MAP3K9: variants seen among roughly 807,000 people sequenced by gnomAD.
MAP3K9 encodes mixed lineage kinase 1 (tyr and ser/thr specificity).
A neutral mutation model predicts 95.8 loss-of-function variants in MAP3K9; 46 were observed. The observed-to-expected ratio is 0.48, with a 90% CI of 0.38 to 0.61. The LOEUF is 0.61. Ranked by LOEUF, MAP3K9 falls within the 20% of genes least tolerant of loss-of-function variation. The pLI is 0.00. For synonymous variants in MAP3K9, 533 were observed against 593.8 expected, an observed-to-expected ratio of 0.90 and a Z score of 1.49; for missense variants, 1,296 against 1,474.3, an observed-to-expected ratio of 0.88 and a Z score of 1.98.
chr14:70,799,501 G>A (rs540352666), intron 2 of MAP3K9, among the ~76,000 whole-genome samples: 39 of 152,084 alleles, frequency 2.6e-4, no homozygotes, highest in South Asian at 2.3e-3. Context: ...CACCATGTCC[G>A]GCTAATTTTT....
intron 1 of MAP3K9, among the ~76,000 whole-genome samples, chr14:70,804,120 A>G (rs1351519236): frequency 1.3e-5 from 2 of 152,216 alleles, no homozygotes; most frequent in South Asian, 2.1e-4. Context: ...AACAGCTTCA[A>G]TGGCAGCTCC....
At chr14:70,749,745 G>T in intron 4 of MAP3K9, 188 bp downstream of exon 4, 1 of 608,232 alleles carries the variant, frequency 1.6e-6, no homozygotes, top group Non-Finnish European at 2.8e-6. Flanking sequence ...CTGGAGATAT[G>T]ACTGCTTGCA....
At chr14:70,767,117 C>T (rs570429044) in intron 2 of MAP3K9, among the ~76,000 whole-genome samples, 5 of 152,226 alleles carry the variant, frequency 3.3e-5, no homozygotes, top group Admixed American at 3.3e-4. Flanking sequence ...GGTGCGGTGG[C>T]TCATGCCTAT....
intron 4 of MAP3K9, among the ~76,000 whole-genome samples, chr14:70,749,394 C>T (rs1329296294): frequency 2.0e-5 from 3 of 152,162 alleles, no homozygotes; most frequent in Non-Finnish European, 4.4e-5. Context: ...AATGAATTAG[C>T]CTTCCCCCAC....
chr14:70,803,095 C>T (rs916009333), intron 1 of MAP3K9, among the ~76,000 whole-genome samples: 1 of 151,878 alleles, frequency 6.6e-6, no homozygotes, highest in Non-Finnish European at 1.5e-5. Flanking sequence ...TTCTCTCTTG[C>T]TCCTGGCTCC....
Position 70,729,252 on chromosome 14 carries a change from G to C in MAP3K9, c.*1128C>G, listed in dbSNP as rs191707707. The C allele has an allele frequency of 6.6e-6, 1 of 152,190 alleles. No homozygotes were observed. The highest frequency in any genetic ancestry group is 1.5e-5 in the Non-Finnish European group (1 of 68,060). 9.4% of individuals were successfully genotyped at this position (152,190 alleles called of 1,614,324 possible). A position where few individuals can be genotyped will look rare whatever the true frequency, so the allele number is the denominator to read the frequency against. On this transcript the variant is annotated 3_prime_UTR_variant, in exon 12 of 12. Coordinates refer to ENST00000554752, the MANE Select transcript of MAP3K9 (RefSeq NM_001284230.2). ...TCCTGCTGGCTCCATTTTACTTCAA[G>C]GGCATCACAACATGGATGGCCCAGT...
intron 2 of MAP3K9, among the ~76,000 whole-genome samples, chr14:70,786,532 C>T (rs1422565037): frequency 6.6e-6 from 1 of 152,170 alleles, no homozygotes; most frequent in African/African-American, 2.4e-5. Context: ...AGGAAAAACA[C>T]TGACTTCACC....
At chr14:70,740,280 C>A in intron 6 of MAP3K9, 116 bp from the exon 7 acceptor site, 1 of 1,107,884 alleles carries the variant, frequency 9.0e-7, no homozygotes, top group Non-Finnish European at 1.3e-6. Flanking sequence ...TCCTGAAAAG[C>A]TCTTTGTTCA....
intron 3 of MAP3K9, among the ~76,000 whole-genome samples, chr14:70,756,003 C>A (rs770003059): frequency 2.0e-5 from 3 of 152,160 alleles, no homozygotes; most frequent in Non-Finnish European, 4.4e-5. Context: ...TGCCTCTCAC[C>A]AGAGGCTCTT....
At chr14:70,738,058 T>G (rs2054009745) in intron 8 of MAP3K9, among the ~76,000 whole-genome samples, 187 bp downstream of exon 8, 1 of 152,202 alleles carries the variant, frequency 6.6e-6, no homozygotes, top group Non-Finnish European at 1.5e-5. Context: ...GGAAAAAGTT[T>G]TCCATGCCTG....
intron 2 of MAP3K9, among the ~76,000 whole-genome samples, chr14:70,784,910 G>T (rs2054728307): frequency 6.6e-6 from 1 of 152,128 alleles, no homozygotes; most frequent in South Asian, 2.1e-4. Context: ...TCGAAATGTG[G>T]GGATGATCTA....
chr14:70,777,174 C>T (rs990663885), intron 2 of MAP3K9, among the ~76,000 whole-genome samples: 4 of 152,116 alleles, frequency 2.6e-5, no homozygotes, highest in Admixed American at 6.6e-5. Flanking sequence ...GCTGTTGCTT[C>T]GACCAATGCC....
At chr14:70,769,784 T>C (rs539078293) in intron 2 of MAP3K9, among the ~76,000 whole-genome samples, 1 of 152,344 alleles carries the variant, frequency 6.6e-6, no homozygotes, top group South Asian at 2.1e-4. Context: ...TATTTGTCTA[T>C]GTGTCCTTAT....
intron 1 of MAP3K9, among the ~76,000 whole-genome samples, chr14:70,808,430 G>T (rs914663688): frequency 6.7e-6 from 1 of 149,746 alleles, no homozygotes; most frequent in Non-Finnish European, 1.5e-5. Context: ...GATTGGGAAT[G>T]GGGGGCGGCG....
rs1393074440 is a variant in MAP3K9 at position 70,774,423 on chromosome 14, T to C, written c.821-13241A>G. ...GCTCACGCCTGTAATCTCAGCACTT[T>C]GGGAGGTCGAGGCGGGTGGATCACC... On this transcript the variant is annotated intron_variant, in intron 2 of 11. Transcript: ENST00000554752. Among the ~76,000 whole-genome samples, 9 of 152,198 alleles carry C rather than the reference T, an allele frequency of 5.9e-5. No homozygotes were observed. The East Asian group carries it at 1.2e-3, about 20-fold the overall frequency.
intron 3 of MAP3K9, among the ~76,000 whole-genome samples, chr14:70,754,588 C>G (rs893065768): frequency 2.0e-5 from 3 of 152,166 alleles, no homozygotes; most frequent in African/African-American, 7.2e-5. Context: ...TCTCCCGCCT[C>G]AGCCTCAGGA....
chr14:70,778,308 C>T (rs2054627297), intron 2 of MAP3K9, among the ~76,000 whole-genome samples: 1 of 151,090 alleles, frequency 6.6e-6, no homozygotes. Flanking sequence ...ACGGAGTCCC[C>T]CTTTGTCACC....
intron 2 of MAP3K9, among the ~76,000 whole-genome samples, chr14:70,767,482 T>A (rs1429008191): frequency 6.6e-6 from 1 of 151,200 alleles, no homozygotes; most frequent in Non-Finnish European, 1.5e-5. Context: ...CACTTTCCCA[T>A]CTTATTGTTG....
intron 3 of MAP3K9, among the ~76,000 whole-genome samples, chr14:70,750,515 C>T (rs1488425011): frequency 3.3e-5 from 5 of 152,032 alleles, no homozygotes; most frequent in African/African-American, 7.2e-5. Flanking sequence ...GATGGAGTTT[C>T]GCTCGGTTGC....
Sources: allele counts gnomAD v4.1 joint callset (sites outside exome capture counted in the v4.1 genomes callset), GRCh38; gene constraint gnomAD v4.1.1; transcripts MANE v1.5; gene names NCBI Gene and HGNC (gene_info 2026-07-23, HGNC 2026-07-21).